The following PCDHA9 variants were observed in gnomAD, a reference collection of about 807,000 sequenced individuals.
PCDHA9 encodes protocadherin alpha-9.
PCDHA9 carries 62 observed loss-of-function variants against 62.0 expected under a neutral mutation model. That is an observed-to-expected ratio of 1.00 (90% CI 0.81 to 1.23). PCDHA9 has a LOEUF of 1.23. Among genes scored for constraint, PCDHA9 ranks in the 50% most tolerant of loss-of-function variants. The pLI, the probability that PCDHA9 is intolerant of heterozygous loss-of-function variation, is 0.00. For synonymous variants in PCDHA9, 557 were observed against 567.6 expected (o/e 0.98, Z 0.27); for missense variants, 1,205 against 1,249.8 (o/e 0.96, Z 0.54).
At chr5:140,881,361 C>T (rs990387338) in intron 1 of PCDHA9, 4 of 985,122 alleles carry the variant, frequency 4.1e-6, no homozygotes, top group Non-Finnish European at 2.4e-6. Context: ...GCGTGGCTTT[C>T]GTATGAATTG....
At chr5:141,004,935 A>AATTTCTT (rs2098189293) in intron 3 of PCDHA9, among the ~76,000 whole-genome samples, 1 of 152,112 alleles carries the variant, frequency 6.6e-6, no homozygotes, top group African/African-American at 2.4e-5. Context: ...GAGAGAAGAA[A>AATTTCTT]ATTTCTTACC....
intron 1 of PCDHA9, among the ~76,000 whole-genome samples, chr5:140,906,547 C>T (rs2072745421): frequency 6.6e-6 from 1 of 152,218 alleles, no homozygotes; most frequent in Non-Finnish European, 1.5e-5. Flanking sequence ...CTCATTTCTG[C>T]AACTGGTTGT....
intron 1 of PCDHA9, chr5:140,877,741 A>C: frequency 6.2e-7 from 1 of 1,614,182 alleles, no homozygotes; most frequent in Non-Finnish European, 8.5e-7. Context: ...GAGGAGGCAG[A>C]GGGTGTGCTC....
chr5:140,988,387 T>G (rs1337322360), intron 3 of PCDHA9, among the ~76,000 whole-genome samples: 1 of 152,202 alleles, frequency 6.6e-6, no homozygotes, highest in Non-Finnish European at 1.5e-5. Flanking sequence ...CTCATTGTGT[T>G]TGCCAGAGTT....
chr5:140,966,929 G>A (rs944732818), intron 1 of PCDHA9: 2 of 1,603,460 alleles, frequency 1.2e-6, no homozygotes, highest in African/African-American at 1.3e-5. Flanking sequence ...GCAGGCACCC[G>A]GCGCGCTCGT....
intron 1 of PCDHA9, among the ~76,000 whole-genome samples, chr5:140,911,789 G>A (rs1399185754): frequency 6.6e-6 from 1 of 152,024 alleles, no homozygotes; most frequent in Non-Finnish European, 1.5e-5. Flanking sequence ...GCATTTTTGG[G>A]TCTAATCATA....
chr5:141,005,701 CAAAAAAAAA>C (rs59860837), intron 3 of PCDHA9, among the ~76,000 whole-genome samples: 2 of 7,784 alleles, frequency 2.6e-4, no homozygotes, highest in African/African-American at 4.7e-4. Context: ...AACTCCGTCT[CAAAAAAAAA>C]AAAAAAAAAA....
intron 1 of PCDHA9, among the ~76,000 whole-genome samples, chr5:140,933,209 G>GTC (rs140472192): frequency 0.32 from 48,939 of 151,636 alleles, 8,153 homozygotes; most frequent in East Asian, 0.53. Flanking sequence ...TAAATTACAT[G>GTC]TCTGTTATAT....
At chr5:140,877,347 G>A (rs2057054618) in intron 1 of PCDHA9, 3 of 1,614,010 alleles carry the variant, frequency 1.9e-6, no homozygotes, top group Admixed American at 1.7e-5. Flanking sequence ...TCCACGTGGG[G>A]CTGTACACTG....
chr5:140,889,497 A>G (rs1024054854), intron 1 of PCDHA9, among the ~76,000 whole-genome samples: 1 of 152,188 alleles, frequency 6.6e-6, no homozygotes, highest in South Asian at 2.1e-4. Flanking sequence ...ATCTATAGTG[A>G]TATTTCCCTT....
rs2150416321 is a variant in PCDHA9 at position 140,848,658 on chromosome 5, G to C, written c.163G>C (p.Glu55Gln). Residue 55 changes from glutamate (E) to glutamine (Q), a missense_variant, in exon 1 of 4, where the codon GAG becomes CAG. This residue lies in a region of PCDHA9 where 208 missense variants were observed against 213.2 expected (regional missense o/e 0.98). Coordinates refer to ENST00000532602, the MANE Select transcript of PCDHA9 (RefSeq NM_031857.2). ...CCGCATCGCGCAGGACCTGGGGCTG[G>C]AGCTGGCGGAGCTGGTGCCGCGCCT... ...VGRIAQDLGL[E>Q]LAELVPRLFQ... is the part of the protein sequence containing the mutation. The C allele has an allele frequency of 2.5e-6, 4 of 1,592,362 alleles. No homozygotes were observed. The highest frequency in any genetic ancestry group is 4.5e-5 in the East Asian group (2 of 44,824).
intron 1 of PCDHA9, chr5:140,856,807 T>G: frequency 6.3e-7 from 1 of 1,594,936 alleles, no homozygotes; most frequent in African/African-American, 1.3e-5. Context: ...TGTATGAAAA[T>G]CAAGTGAACC....
intron 1 of PCDHA9, chr5:140,854,181 AGTT>A: frequency 2.3e-6 from 1 of 434,280 alleles, no homozygotes; most frequent in Non-Finnish European, 3.0e-6. Context: ...AAAAAAGAGT[AGTT>A]TAACTACTCC....
At chr5:140,900,477 A>G (rs2068076560) in intron 1 of PCDHA9, among the ~76,000 whole-genome samples, 1 of 152,290 alleles carries the variant, frequency 6.6e-6, no homozygotes, top group Non-Finnish European at 1.5e-5. Flanking sequence ...GAGTTTCTCC[A>G]TGTTGGTCAG....
intron 1 of PCDHA9, among the ~76,000 whole-genome samples, chr5:140,953,492 G>T (rs542677103): frequency 6.6e-6 from 1 of 152,188 alleles, no homozygotes; most frequent in East Asian, 1.9e-4. Context: ...TCACAACCTT[G>T]ATCAGCTATT....
At chr5:140,871,521 CA>C in intron 1 of PCDHA9, 1 of 1,553,236 alleles carries the variant, frequency 6.4e-7, no homozygotes, top group Non-Finnish European at 8.7e-7. Context: ...TTCCACCTAT[CA>C]GGAAGTGTAT....
chr5:140,999,814 G>A (rs143341016), intron 3 of PCDHA9, among the ~76,000 whole-genome samples: 1 of 152,286 alleles, frequency 6.6e-6, no homozygotes, highest in African/African-American at 2.4e-5. Context: ...CAAAGCAAGA[G>A]CTGTGGCTTT....
chr5:140,968,330 G>A (rs1314697989), intron 1 of PCDHA9: 2 of 1,613,974 alleles, frequency 1.2e-6, no homozygotes, highest in East Asian at 2.2e-5. Context: ...CACCTCCTAT[G>A]TCTCCATTAA....
intron 1 of PCDHA9, among the ~76,000 whole-genome samples, chr5:140,941,368 G>A (rs2093051755): frequency 7.3e-6 from 1 of 136,646 alleles, no homozygotes; most frequent in Non-Finnish European, 1.5e-5. Context: ...CTAGGCTGGA[G>A]TGTAGTGACA....
Sources: gnomAD v4.1 joint callset for allele counts (sites outside exome capture counted in the v4.1 genomes callset) on GRCh38, gnomAD v4.1.1 for gene constraint, gnomAD v4.1.1 regional missense constraint, MANE v1.5 for transcripts, NCBI Gene and HGNC (gene_info 2026-07-23, HGNC 2026-07-21) for gene names.